CA10: variants seen among roughly 807,000 people sequenced by gnomAD.
CA10 encodes carbonic anhydrase-related protein 10.
A neutral mutation model predicts 44.2 loss-of-function variants in CA10; 14 were observed. The observed-to-expected ratio is 0.32, with a 90% CI of 0.21 to 0.50. The LOEUF (loss-of-function observed/expected upper bound fraction) is 0.50. CA10 is among the 20% of genes least tolerant of loss of function. The pLI, the probability that CA10 is intolerant of heterozygous loss-of-function variation, is 0.99. For synonymous variants in CA10, 159 were observed against 141.6 expected, an observed-to-expected ratio of 1.12 and a Z score of -0.87; for missense variants, 350 against 409.7, an observed-to-expected ratio of 0.85 and a Z score of 1.26.
intron 4 of CA10, among the ~76,000 whole-genome samples, chr17:51,711,585 A>T (rs1915943897): frequency 2.0e-5 from 3 of 152,248 alleles, no homozygotes. Flanking sequence ...ACAGCCTGCG[A>T]TGGAGAGTCT....
rs186452539 is a variant in CA10, at chr17:51,859,062, G to T, written c.279+71928C>A. ...AATGTTAGTTAATTATTAATTAATT[G>T]TTAGTTAATAATTAACATAAGCTAG... On this transcript the variant is annotated intron_variant, in intron 3 of 8. Coordinates refer to ENST00000451037, the MANE Select transcript of CA10 (RefSeq NM_020178.5). Among the ~76,000 whole-genome samples, 22 of 152,162 alleles carry T rather than the reference G, an allele frequency of 1.4e-4. No individual in the cohort carries two copies. The East Asian group carries it at 4.1e-3, about 28-fold the overall frequency.
chr17:51,692,353 T>C (rs1263957), intron 4 of CA10, among the ~76,000 whole-genome samples: 50,367 of 149,922 alleles, frequency 0.34, 8,959 homozygotes, highest in Admixed American at 0.42. Context: ...TACCTACCTA[T>C]CTACCTATCC....
intron 3 of CA10, among the ~76,000 whole-genome samples, chr17:51,764,638 G>A (rs568593089): frequency 2.1e-4 from 32 of 152,170 alleles, no homozygotes; most frequent in Non-Finnish European, 4.1e-4. Context: ...GTAGGAAGCT[G>A]GCCTATGGCT....
chr17:51,918,418 T>G (rs1475534245), intron 3 of CA10, among the ~76,000 whole-genome samples: 1 of 152,192 alleles, frequency 6.6e-6, no homozygotes. Context: ...CAGAAAATAT[T>G]TTTAGGCAGA....
chr17:51,701,399 A>T (rs1320960388), intron 4 of CA10, among the ~76,000 whole-genome samples: 1 of 152,324 alleles, frequency 6.6e-6, no homozygotes, highest in Non-Finnish European at 1.5e-5. Flanking sequence ...GCTCCAAATA[A>T]GGTCACGTTC....
intron 2 of CA10, among the ~76,000 whole-genome samples, chr17:52,032,927 T>C (rs1202789211): frequency 2.6e-5 from 4 of 152,178 alleles, no homozygotes; most frequent in Non-Finnish European, 5.9e-5. Context: ...ACATAAACAT[T>C]ATCCTAATTA....
intron 4 of CA10, among the ~76,000 whole-genome samples, chr17:51,738,755 T>C (rs1011370045): frequency 2.6e-5 from 4 of 152,194 alleles, no homozygotes; most frequent in Admixed American, 2.6e-4. Flanking sequence ...ATGCAGGAAA[T>C]GTGATTCTCA....
chr17:52,134,962 C>G (rs774774978), intron 1 of CA10: 4 of 519,074 alleles, frequency 7.7e-6, no homozygotes, highest in Admixed American at 3.9e-5. Context: ...GGCCATTGCT[C>G]TCCATGTGTG....
chr17:51,802,978 C>T (rs1464787441), intron 3 of CA10, among the ~76,000 whole-genome samples: 2 of 152,154 alleles, frequency 1.3e-5, no homozygotes, highest in Non-Finnish European at 2.9e-5. Context: ...GACTCATATT[C>T]CAAAATCTCA....
chr17:51,722,021 T>C (rs1482584684), intron 4 of CA10, among the ~76,000 whole-genome samples: 1 of 152,184 alleles, frequency 6.6e-6, no homozygotes, highest in Non-Finnish European at 1.5e-5. Context: ...CCTAGACTTA[T>C]GATTGGCCTC....
chr17:51,846,175 T>C (rs1004458820), intron 3 of CA10, among the ~76,000 whole-genome samples: 2 of 152,200 alleles, frequency 1.3e-5, no homozygotes, highest in Non-Finnish European at 2.9e-5. Context: ...CCCAAACTTA[T>C]CAAGTGCCTG....
chr17:51,780,536 G>A (rs1261682558), intron 3 of CA10, among the ~76,000 whole-genome samples: 2 of 152,202 alleles, frequency 1.3e-5, no homozygotes, highest in Non-Finnish European at 2.9e-5. Context: ...CATATTAAGT[G>A]AGAGCCCAAT....
At chr17:51,639,188 G>A (rs1912971260) in intron 6 of CA10, among the ~76,000 whole-genome samples, 1 of 152,142 alleles carries the variant, frequency 6.6e-6, no homozygotes, top group Admixed American at 6.5e-5. Flanking sequence ...ATAAGAGAAG[G>A]AAGCATTCAG....
intron 2 of CA10, among the ~76,000 whole-genome samples, chr17:51,956,502 C>T (rs1045661673): frequency 4.6e-5 from 7 of 152,096 alleles, no homozygotes; most frequent in Non-Finnish European, 7.4e-5. Context: ...TGTGTGGATA[C>T]ACAAAAATAA....
chr17:52,103,222 T>A (rs547501298), intron 1 of CA10, among the ~76,000 whole-genome samples: 21 of 152,296 alleles, frequency 1.4e-4, no homozygotes, highest in Admixed American at 5.2e-4. Context: ...CTCCACTATT[T>A]AGCGCAGGAG....
At chr17:51,706,771 C>T in intron 4 of CA10, among the ~76,000 whole-genome samples, 1 of 152,180 alleles carries the variant, frequency 6.6e-6, no homozygotes, top group Admixed American at 6.5e-5. Context: ...ACATAGGTTC[C>T]AGCTACAGTG....
In CA10 at chr17:51,823,302, G is replaced by A. The variant is rs114707060; in HGVS notation, c.280-75484C>T. On this transcript the variant is annotated intron_variant, in intron 3 of 8. Transcript: ENST00000451037. ...AGATCAGCAGACTCCAGGAAGCCAC[G>A]GTGGGTGTATGCACTCAAGTCACTG... Among the ~76,000 whole-genome samples, 409 of 152,272 alleles carry A rather than the reference G, an allele frequency of 2.7e-3. 2 individuals carry two copies. The highest frequency in any genetic ancestry group is 8.7e-3 in the African/African-American group (360 of 41,536).
At chr17:52,081,167 A>T (rs1374213152) in intron 1 of CA10, among the ~76,000 whole-genome samples, 1 of 152,182 alleles carries the variant, frequency 6.6e-6, no homozygotes, top group Non-Finnish European at 1.5e-5. Context: ...GTACTCTGTG[A>T]TATAGAGGGT....
At chr17:52,068,682 T>C (rs1166717975) in intron 2 of CA10, among the ~76,000 whole-genome samples, 1 of 152,130 alleles carries the variant, frequency 6.6e-6, no homozygotes, top group Non-Finnish European at 1.5e-5. Flanking sequence ...ACACAATAAG[T>C]GGTGAGGCAG....
Sources: gnomAD v4.1 joint callset for allele counts (sites outside exome capture counted in the v4.1 genomes callset) on GRCh38, gnomAD v4.1.1 for gene constraint, MANE v1.5 for transcripts, NCBI Gene and HGNC (gene_info 2026-07-23, HGNC 2026-07-21) for gene names.